The following PLEKHG1 variants were observed in gnomAD, a reference collection of about 807,000 sequenced individuals.
The protein encoded by PLEKHG1 is pleckstrin homology domain-containing family G member 1.
PLEKHG1 carries 44 observed loss-of-function variants against 100.8 expected under a neutral mutation model. That is an observed-to-expected ratio of 0.44 (90% CI 0.34 to 0.56). PLEKHG1 has a LOEUF of 0.56. Ranked by LOEUF, PLEKHG1 falls within the 20% of genes least tolerant of loss-of-function variation. The pLI is 0.01. For synonymous variants in PLEKHG1, 640 were observed against 662.5 expected (o/e 0.97, Z 0.52); for missense variants, 1,545 against 1,720.9 (o/e 0.90, Z 1.81).
At chr6:150,715,764 G>A (rs1299040613) in intron 3 of PLEKHG1, among the ~76,000 whole-genome samples, 2 of 149,972 alleles carry the variant, frequency 1.3e-5, no homozygotes, top group Admixed American at 1.3e-4. Context: ...GATTACAGGC[G>A]TGAGCCACCA....
At chr6:150,738,595 A>T (rs1222555925) in intron 2 of PLEKHG1, among the ~76,000 whole-genome samples, 1 of 152,178 alleles carries the variant, frequency 6.6e-6, no homozygotes, top group East Asian at 1.9e-4. Context: ...GCCATTTAGG[A>T]ATTCAGAAAT....
At chr6:150,645,532 T>C (rs1364933290) in intron 2 of PLEKHG1, among the ~76,000 whole-genome samples, 1 of 152,126 alleles carries the variant, frequency 6.6e-6, no homozygotes, top group Non-Finnish European at 1.5e-5. Context: ...TATTGAAGAA[T>C]ATATGAAGAA....
chr6:150,701,467 A>ATATATATATATATATAT (rs58601257), intron 3 of PLEKHG1, among the ~76,000 whole-genome samples: 2 of 79,092 alleles, frequency 2.5e-5, no homozygotes, highest in Non-Finnish European at 4.1e-5. Context: ...ATATATATAT[A>ATATATATATATATATAT]ATTATACTTT....
chr6:150,741,887 C>T (rs746583940), intron 2 of PLEKHG1, among the ~76,000 whole-genome samples: 3 of 152,172 alleles, frequency 2.0e-5, no homozygotes, highest in African/African-American at 7.2e-5. Flanking sequence ...GTTGTAGGAA[C>T]GTTTAGCAGC....
At chr6:150,632,090 C>G (rs1777780063) in intron 1 of PLEKHG1, among the ~76,000 whole-genome samples, 1 of 152,116 alleles carries the variant, frequency 6.6e-6, no homozygotes, top group Non-Finnish European at 1.5e-5. Context: ...CTACAAGTAG[C>G]AAAAGGTCAA....
At chr6:150,756,831 C>T (rs749526063) in intron 2 of PLEKHG1, among the ~76,000 whole-genome samples, 3 of 152,144 alleles carry the variant, frequency 2.0e-5, no homozygotes, top group South Asian at 2.1e-4. Flanking sequence ...TGTTTGAGTA[C>T]GTACTGTATG....
intron 15 of PLEKHG1, among the ~76,000 whole-genome samples, chr6:150,833,043 A>ATTT (rs57683244): frequency 0.027 from 3,597 of 133,478 alleles, 51 homozygotes; most frequent in South Asian, 0.049. Flanking sequence ...TTACTACTCA[A>ATTT]TTTTTTTTTT....
exon 8 of PLEKHG1, chr6:150,809,166 T>C: frequency 6.2e-7 from 1 of 1,613,734 alleles, no homozygotes; most frequent in Non-Finnish European, 8.5e-7. Flanking sequence ...GGGGAACTGG[T>C]GCTTGAGGGA....
chr6:150,805,687 C>A (rs1162445307), intron 7 of PLEKHG1, among the ~76,000 whole-genome samples: 2 of 152,080 alleles, frequency 1.3e-5, no homozygotes, highest in Admixed American at 6.6e-5. Context: ...ACCACCACGC[C>A]CGGCTCATTT....
chr6:150,614,299 T>C (rs1776969883), intron 1 of PLEKHG1, among the ~76,000 whole-genome samples: 2 of 152,266 alleles, frequency 1.3e-5, no homozygotes, highest in South Asian at 4.2e-4. Context: ...CTCCCCTTCT[T>C]GAACAGGCAA....
exon 7 of PLEKHG1, chr6:150,804,626 T>G (rs764961197): frequency 6.3e-7 from 1 of 1,590,300 alleles, no homozygotes; most frequent in African/African-American, 1.4e-5. Context: ...GAAAACCACC[T>G]TGATAAGGAC....
chr6:150,630,126 G>T (rs1777686134), intron 1 of PLEKHG1, among the ~76,000 whole-genome samples: 1 of 152,174 alleles, frequency 6.6e-6, no homozygotes, highest in African/African-American at 2.4e-5. Context: ...ACCTTGTTCA[G>T]CAGGGAGGCC....
chr6:150,832,705 A>G (rs1777018421), intron 15 of PLEKHG1, among the ~76,000 whole-genome samples: 1 of 140,246 alleles, frequency 7.1e-6, no homozygotes, highest in Non-Finnish European at 1.5e-5. Flanking sequence ...TTTTTGAGAC[A>G]GGATCTCACT....
intron 4 of PLEKHG1, among the ~76,000 whole-genome samples, chr6:150,787,324 CAGTG>C (rs1162508893): frequency 2.0e-5 from 3 of 152,184 alleles, no homozygotes; most frequent in Admixed American, 1.3e-4. Flanking sequence ...GCTTAAATGA[CAGTG>C]AGCTCGTGCT....
upstream of PLEKHG1, among the ~76,000 whole-genome samples, chr6:150,716,141 C>T (rs905796844): frequency 1.3e-5 from 2 of 151,512 alleles, no homozygotes; most frequent in Middle Eastern, 3.2e-3. Context: ...AATGTGACCG[C>T]ATGCCTTGTT....
At chr6:150,769,823 C>A (rs146247608) in intron 3 of PLEKHG1, among the ~76,000 whole-genome samples, 6 of 152,230 alleles carry the variant, frequency 3.9e-5, no homozygotes, top group African/African-American at 1.4e-4. Context: ...CTTACCTCCT[C>A]CACTTTTCCT....
Position 150,668,992 on chromosome 6 carries a change from A to G in PLEKHG1, c.-99+18206A>G, listed in dbSNP as rs185172259. Among the ~76,000 whole-genome samples the G allele has an allele frequency of 3.1e-3, 469 of 152,294 alleles. 5 individuals carry two copies. The highest frequency in any genetic ancestry group is 0.011 in the African/African-American group (440 of 41,588). ...TTTATTGCAGTGATGACTCCATGCC[A>G]TTGTTAATCTGGATTTATTTTTAAA... On this transcript the variant is annotated intron_variant, in intron 3 of 3. Coordinates refer to the PLEKHG1 transcript ENST00000367326.
At chr6:150,822,344 T>C (rs1202249411) in intron 13 of PLEKHG1, among the ~76,000 whole-genome samples, 1 of 151,968 alleles carries the variant, frequency 6.6e-6, no homozygotes, top group South Asian at 2.1e-4. Context: ...AAACTGTTGG[T>C]GGGAGTAAGT....
intron 13 of PLEKHG1, among the ~76,000 whole-genome samples, chr6:150,822,881 G>C (rs1776383809): frequency 6.6e-6 from 1 of 152,194 alleles, no homozygotes; most frequent in South Asian, 2.1e-4. Flanking sequence ...TGGGGAGGCT[G>C]AGACACAAGA....
Sources: allele counts gnomAD v4.1 joint callset (sites outside exome capture counted in the v4.1 genomes callset), GRCh38; gene constraint gnomAD v4.1.1; transcripts MANE v1.5; gene names NCBI Gene and HGNC (gene_info 2026-07-23, HGNC 2026-07-21).